The following KIAA1549L variants were observed in gnomAD, a reference collection of about 807,000 sequenced individuals.
KIAA1549L encodes UPF0606 protein KIAA1549L.
A neutral mutation model predicts 160.7 loss-of-function variants in KIAA1549L; 88 were observed. That is an observed-to-expected ratio of 0.55 (90% CI 0.46 to 0.65). KIAA1549L has a LOEUF of 0.65. Ranked by LOEUF, KIAA1549L falls within the 30% of genes least tolerant of loss-of-function variation. KIAA1549L has a pLI of 0.00. For synonymous variants in KIAA1549L, 950 were observed against 976.7 expected (o/e 0.97, Z 0.51); for missense variants, 2,258 against 2,437.5 (o/e 0.93, Z 1.55).
chr11:33,490,385 G>A (rs1255667894), intron 1 of KIAA1549L, among the ~76,000 whole-genome samples: 1 of 149,034 alleles, frequency 6.7e-6, no homozygotes. Context: ...GTTCAGTAGT[G>A]CAATCTTGGC....
At chr11:33,413,190 T>G (rs984428681) in intron 1 of KIAA1549L, among the ~76,000 whole-genome samples, 1 of 152,120 alleles carries the variant, frequency 6.6e-6, no homozygotes. Flanking sequence ...GTTTGAGAAG[T>G]TGGGCAGCAC....
chr11:33,427,579 T>C (rs1851145290), intron 1 of KIAA1549L, among the ~76,000 whole-genome samples: 1 of 152,220 alleles, frequency 6.6e-6, no homozygotes, highest in South Asian at 2.1e-4. Flanking sequence ...CCTTACAGGC[T>C]GTCTCCGGTT....
chr11:33,524,940 G>C (rs1717856193), intron 1 of KIAA1549L, among the ~76,000 whole-genome samples: 1 of 152,178 alleles, frequency 6.6e-6, no homozygotes, highest in South Asian at 2.1e-4. Context: ...GATTGCCTAG[G>C]TACTCATTGG....
At chr11:33,620,655 C>T (rs886438303) in intron 16 of KIAA1549L, among the ~76,000 whole-genome samples, 5 of 152,134 alleles carry the variant, frequency 3.3e-5, no homozygotes, top group African/African-American at 9.7e-5. Context: ...TTTGCCTACC[C>T]AGCCACAGAG....
At chr11:33,501,243 C>T (rs1314122211) in intron 1 of KIAA1549L, among the ~76,000 whole-genome samples, 1 of 152,190 alleles carries the variant, frequency 6.6e-6, no homozygotes, top group African/African-American at 2.4e-5. Flanking sequence ...ATACAGACAT[C>T]CTTTGTCATT....
At chr11:33,452,476 C>G (rs1255320231) in intron 1 of KIAA1549L, among the ~76,000 whole-genome samples, 1 of 152,046 alleles carries the variant, frequency 6.6e-6, no homozygotes, top group Non-Finnish European at 1.5e-5. Flanking sequence ...GGCGTAGTGG[C>G]GGGCAGCTGT....
intron 1 of KIAA1549L, among the ~76,000 whole-genome samples, chr11:33,396,915 A>C (rs1037434869): frequency 6.7e-6 from 1 of 149,478 alleles, no homozygotes; most frequent in Non-Finnish European, 1.5e-5. Context: ...GCGCCATTGC[A>C]CTCCAGCCTT....
At chr11:33,532,826 T>C (rs954188373) in intron 1 of KIAA1549L, among the ~76,000 whole-genome samples, 20 of 152,242 alleles carry the variant, frequency 1.3e-4, no homozygotes, top group African/African-American at 4.6e-4. Flanking sequence ...GTGGATTGTC[T>C]TGTGACTGTT....
chr11:33,591,685 T>G (rs984406870), intron 12 of KIAA1549L, among the ~76,000 whole-genome samples: 1 of 152,274 alleles, frequency 6.6e-6, no homozygotes, highest in African/African-American at 2.4e-5. Context: ...AATTTAGCAC[T>G]GATGTTACAC....
At chr11:33,625,243 G>C (rs1197360508) in intron 16 of KIAA1549L, among the ~76,000 whole-genome samples, 1 of 151,932 alleles carries the variant, frequency 6.6e-6, no homozygotes, top group Non-Finnish European at 1.5e-5. Flanking sequence ...CTTTATAGCA[G>C]CATGATTTAT....
intron 8 of KIAA1549L, among the ~76,000 whole-genome samples, chr11:33,566,248 G>A (rs184782858): frequency 2.0e-5 from 3 of 151,914 alleles, no homozygotes; most frequent in Non-Finnish European, 4.4e-5. Context: ...GACACCTCTC[G>A]ACTGTCCTGT....
At chr11:33,395,035 C>T (rs911431794) in intron 1 of KIAA1549L, among the ~76,000 whole-genome samples, 5 of 152,186 alleles carry the variant, frequency 3.3e-5, no homozygotes, top group Non-Finnish European at 4.4e-5. Context: ...ACAGGTTTGG[C>T]GAACAGCCAG....
chr11:33,662,974 C>T (rs1281513070), intron 20 of KIAA1549L, among the ~76,000 whole-genome samples: 2 of 152,128 alleles, frequency 1.3e-5, no homozygotes, highest in East Asian at 1.9e-4. Flanking sequence ...ATTGCTGCAG[C>T]CTAATTGGGC....
At position 33,543,716 on chromosome 11, in the gene KIAA1549L, A is replaced by G; in HGVS notation, c.2153A>G (p.Gln718Arg). 2 of 1,614,046 alleles carry G rather than the reference A, an allele frequency of 1.2e-6. No individual in the cohort carries two copies. The highest frequency in any genetic ancestry group is 1.7e-6 in the Non-Finnish European group (2 of 1,179,898). ...GAATCAATAATATCTGGCTTGCAGC[A>G]GCAAACAAATTATGATTTAAATGGA... ...STESIISGLQ[Q>R]QTNYDLNGHT... The change falls in exon 2 of 21, where the codon CAG becomes CGG. Residue 718 changes from glutamine (Q) to arginine (R), a missense_variant. By Grantham distance (43) the Gln-to-Arg change is conservative. Transcript: ENST00000658780.
In KIAA1549L at chr11:33,609,949, C is replaced by T. The variant is rs1198088686; in HGVS notation, c.5262C>T (p.Phe1754=). Residue 1754 remains phenylalanine (F), a synonymous_variant, in exon 15 of 21, where the codon TTC becomes TTT. Transcript: ENST00000658780. ...CAGATTCAGAACTCTGTGCTCCATTCACCGAGTCTAAAAACAGGTGCAGTC... is the reference window on the plus strand; with the variant it reads ...CAGATTCAGAACTCTGTGCTCCATTTACCGAGTCTAAAAACAGGTGCAGTC... The part of the protein sequence containing the change: ...LDPDSELCAP[F]TESKNRQQMK... 6.2e-7 allele frequency: 1 copy of T among 1,613,734 alleles called. No individual in the cohort carries two copies. The highest frequency in any genetic ancestry group is 1.7e-5 in the Admixed American group (1 of 60,020).
intron 1 of KIAA1549L, among the ~76,000 whole-genome samples, chr11:33,464,241 A>G (rs546354144): frequency 5.4e-4 from 82 of 152,266 alleles, no homozygotes; most frequent in African/African-American, 1.7e-3. Flanking sequence ...TCCTCGTTCT[A>G]TGTCATTTGT....
chr11:33,586,183 C>T (rs1849865322), intron 11 of KIAA1549L, among the ~76,000 whole-genome samples: 1 of 152,244 alleles, frequency 6.6e-6, no homozygotes, highest in Admixed American at 6.5e-5. Context: ...AAGCCTTAGA[C>T]TAGGAGGACA....
In KIAA1549L at chr11:33,666,486, C is replaced by T. The variant is rs117783126; in HGVS notation, c.6160-1387C>T. On this transcript the variant is annotated intron_variant, in intron 20 of 20. Coordinates refer to ENST00000658780, the MANE Select transcript of KIAA1549L (RefSeq NM_012194.3). The stretch of plus-strand genomic sequence containing the variant: ...ATCTAAGCTGCCGAGTCCTCCCATA[C>T]ATACTTCATTCGCCATAGCACCCTG... Among the ~76,000 whole-genome samples, 1,393 of 152,332 alleles carry T rather than the reference C, an allele frequency of 9.1e-3. 18 individuals are homozygous for T. Among genetic ancestry groups the T allele is most frequent in the South Asian group, 0.043 (209 of 4,828 alleles).
At chr11:33,588,921 A>T (rs7122768) in intron 11 of KIAA1549L, among the ~76,000 whole-genome samples, 31,800 of 152,132 alleles carry the variant, frequency 0.21, 3,707 homozygotes, top group East Asian at 0.37. Flanking sequence ...TAAAAAAGCC[A>T]TGTTGGAGTT....
Sources: gnomAD v4.1 joint callset for allele counts (sites outside exome capture counted in the v4.1 genomes callset) on GRCh38, gnomAD v4.1.1 for gene constraint, MANE v1.5 for transcripts, NCBI Gene and HGNC (gene_info 2026-07-23, HGNC 2026-07-21) for gene names.